The following LHPP variants were observed in gnomAD, a reference collection of about 807,000 sequenced individuals.
The protein encoded by LHPP is hLHPP.
A neutral mutation model predicts 30.3 loss-of-function variants in LHPP; 24 were observed. The observed-to-expected ratio is 0.79, with a 90% confidence interval of 0.57 to 1.11. The LOEUF is 1.11. LHPP is among the 50% of genes most tolerant of loss of function. LHPP has a pLI of 0.00. For synonymous variants in LHPP, 150 were observed against 157.1 expected (o/e 0.95, Z 0.34); for missense variants, 356 against 367.2 (o/e 0.97, Z 0.25).
At chr10:124,591,485 A>C (rs1948881789) in intron 6 of LHPP, among the ~76,000 whole-genome samples, 2 of 152,248 alleles carry the variant, frequency 1.3e-5, no homozygotes, top group Non-Finnish European at 2.9e-5. Context: ...CTGGGGTTCC[A>C]GGCCATGCAG....
chr10:124,605,945 C>T (rs1949086750), intron 6 of LHPP, among the ~76,000 whole-genome samples: 1 of 152,060 alleles, frequency 6.6e-6, no homozygotes, highest in Non-Finnish European at 1.5e-5. Flanking sequence ...GGCCAGCCTC[C>T]TGGTCCTGCA....
intron 6 of LHPP, among the ~76,000 whole-genome samples, chr10:124,599,985 A>AGTTG (rs1230816767): frequency 6.6e-6 from 1 of 152,084 alleles, no homozygotes; most frequent in Non-Finnish European, 1.5e-5. Context: ...GGGATCTCTG[A>AGTTG]GTTGGGGCTT....
At chr10:124,547,807 A>C (rs987250318) in intron 6 of LHPP, among the ~76,000 whole-genome samples, 5 of 152,236 alleles carry the variant, frequency 3.3e-5, no homozygotes, top group Non-Finnish European at 5.9e-5. Flanking sequence ...CCTTGCTTCT[A>C]AACTGCTGAG....
chr10:124,542,059 C>T (rs769810702), intron 6 of LHPP, among the ~76,000 whole-genome samples: 20 of 152,114 alleles, frequency 1.3e-4, no homozygotes, highest in Non-Finnish European at 2.2e-4. Flanking sequence ...CCTGCAGACT[C>T]GGTGGCTGCC....
chr10:124,572,647 T>G (rs1042550823), intron 6 of LHPP, among the ~76,000 whole-genome samples: 1 of 146,214 alleles, frequency 6.8e-6, no homozygotes, highest in African/African-American at 2.6e-5. Flanking sequence ...AGAAAGAAAG[T>G]AAGAAAGGAA....
intron 6 of LHPP, among the ~76,000 whole-genome samples, chr10:124,586,253 A>G (rs993381017): frequency 2.0e-5 from 3 of 151,958 alleles, no homozygotes; most frequent in Non-Finnish European, 4.4e-5. Flanking sequence ...CTGCGTCCCT[A>G]CATTGTCACC....
Position 124,571,717 on chromosome 10 carries a change from T to TCCCTGGCTGGC in LHPP, c.717-41547_717-41546insCCCTGGCTGGC, listed in dbSNP as rs1948586749. Among the ~76,000 whole-genome samples the TCCCTGGCTGGC allele has an allele frequency of 2.0e-5, 3 of 152,202 alleles. No individual in the cohort carries two copies. In the South Asian group the frequency reaches 6.2e-4, roughly 32 times the overall value. ...TGCTGAGTCTTTTGCTCCCTAACCG[T>TCCCTGGCTGGC]GTTCCCTGGCTGGCCACCCTGCCAG... On this transcript the variant is annotated intron_variant, in intron 6 of 6. Coordinates refer to ENST00000368842, the MANE Select transcript of LHPP (RefSeq NM_022126.4).
intron 6 of LHPP, among the ~76,000 whole-genome samples, chr10:124,606,759 C>T (rs373434190): frequency 8.2e-4 from 125 of 152,296 alleles, no homozygotes; most frequent in African/African-American, 2.4e-3. Flanking sequence ...GCTGTGACCC[C>T]CACGGGGAGC....
At chr10:124,505,972 G>A (rs907989297) in intron 5 of LHPP, among the ~76,000 whole-genome samples, 4 of 152,130 alleles carry the variant, frequency 2.6e-5, no homozygotes, top group African/African-American at 4.8e-5. Flanking sequence ...CAGGCTGGGC[G>A]CAGTTGCTCA....
chr10:124,601,825 G>A (rs1042145250), intron 6 of LHPP, among the ~76,000 whole-genome samples: 1 of 152,332 alleles, frequency 6.6e-6, no homozygotes, highest in African/African-American at 2.4e-5. Flanking sequence ...CTGGCTCCCC[G>A]GGTCCTGTTG....
At chr10:124,481,228 C>T (rs1042679142) in intron 1 of LHPP, among the ~76,000 whole-genome samples, 81 of 150,874 alleles carry the variant, frequency 5.4e-4, no homozygotes, top group African/African-American at 1.5e-3. Context: ...AGAGACAGGG[C>T]GGAGGCAATG....
chr10:124,601,219 A>C (rs1316050154), intron 6 of LHPP, among the ~76,000 whole-genome samples: 1 of 152,096 alleles, frequency 6.6e-6, no homozygotes, highest in Admixed American at 6.5e-5. Context: ...GAATAGTGGG[A>C]GTGTGGCAGG....
chr10:124,481,368 G>GCCC (rs768586976), intron 1 of LHPP, among the ~76,000 whole-genome samples: 49 of 124,174 alleles, frequency 3.9e-4, no homozygotes, highest in African/African-American at 1.4e-3. Context: ...TGGCTTATCT[G>GCCC]CCCCCTTTTT....
chr10:124,494,751 C>T (rs190136806), intron 3 of LHPP, among the ~76,000 whole-genome samples: 4 of 152,164 alleles, frequency 2.6e-5, no homozygotes, highest in East Asian at 1.9e-4. Context: ...GCCTGTCCCC[C>T]GCCCTGTTCA....
intron 5 of LHPP, among the ~76,000 whole-genome samples, chr10:124,504,439 CAAA>C (rs36071785): frequency 2.3e-5 from 3 of 128,840 alleles, no homozygotes; most frequent in African/African-American, 6.1e-5. Flanking sequence ...AGAAAAAATG[CAAA>C]AAAAAAAAAA....
Position 124,590,443 on chromosome 10 carries a change from G to A in LHPP, c.717-22821G>A, listed in dbSNP as rs1563277. Among the ~76,000 whole-genome samples, 43,393 of 151,846 alleles carry A rather than the reference G, an allele frequency of 0.29. 6,434 individuals carry two copies. Among genetic ancestry groups the A allele is most frequent in the South Asian group, 0.39 (1,856 of 4,782 alleles). ...TTCTGAGTTGAGTTCCGACGCAGGC[G>A]TGGGCGATGGTGAGCAACTCCAGGC... On this transcript the variant is annotated intron_variant, in intron 6 of 6. Transcript: ENST00000368842. This position sits in a 1 kb window ranked among gnomAD's most constrained non-coding sequence, Gnocchi z 4.3.
At chr10:124,519,248 C>A (rs1954542720) in intron 6 of LHPP, among the ~76,000 whole-genome samples, 1 of 152,058 alleles carries the variant, frequency 6.6e-6, no homozygotes, top group Non-Finnish European at 1.5e-5. Flanking sequence ...GCGCCCGGCC[C>A]CAGAGAGAGA....
chr10:124,462,657 GGTTAT>G (rs1161504390), intron 1 of LHPP, among the ~76,000 whole-genome samples: 4 of 152,130 alleles, frequency 2.6e-5, no homozygotes, highest in African/African-American at 9.7e-5. Context: ...CATGAAAATG[GGTTAT>G]GTTGTTTGCC....
At chr10:124,602,829 A>G (rs10794163) in intron 6 of LHPP, among the ~76,000 whole-genome samples, 89,424 of 151,904 alleles carry the variant, frequency 0.59, 26,482 homozygotes, top group East Asian at 0.68. Context: ...GGAGACTGTA[A>G]GGATCCAAGG....
Sources: gnomAD v4.1 joint callset for allele counts (sites outside exome capture counted in the v4.1 genomes callset) on GRCh38, gnomAD v4.1.1 for gene constraint, Gnocchi (gnomAD v3.1) non-coding constraint, MANE v1.5 for transcripts, NCBI Gene and HGNC (gene_info 2026-07-23, HGNC 2026-07-21) for gene names.